Variants in BMPR1B observed in about 807,000 individuals in gnomAD.
BMPR1B encodes the protein bone morphogenetic protein receptor type 1B, also known as bone morphogenetic protein receptor type-1B.
A neutral mutation model predicts 59.1 loss-of-function variants in BMPR1B; 12 were observed. That is an observed-to-expected ratio of 0.20 (90% CI 0.13 to 0.33). The LOEUF is 0.33. Ranked by LOEUF, BMPR1B falls within the 10% of genes least tolerant of loss-of-function variation. The pLI is 1.00. For missense variants in BMPR1B, 550 were observed against 610.9 expected, an observed-to-expected ratio of 0.90 and a Z score of 1.05; for synonymous variants, 237 against 207.3, an observed-to-expected ratio of 1.14 and a Z score of -1.23.
chr4:95,059,867 G>A (rs1202927433), intron 3 of BMPR1B, among the ~76,000 whole-genome samples: 2 of 152,134 alleles, frequency 1.3e-5, no homozygotes, highest in Admixed American at 1.3e-4. Flanking sequence ...TTTTCCTTGT[G>A]GCAGATTTGT....
intron 1 of BMPR1B, among the ~76,000 whole-genome samples, chr4:94,866,170 G>C (rs1383568896): frequency 6.6e-6 from 1 of 152,066 alleles, no homozygotes; most frequent in Non-Finnish European, 1.5e-5. Flanking sequence ...TTCCTACTTA[G>C]GAGTTATGTC....
Position 95,123,838 on chromosome 4 carries a change from G to A in BMPR1B, c.378G>A (p.Arg126=), listed in dbSNP as rs1560671846. 6.2e-7 allele frequency: 1 copy of A among 1,611,212 alleles called. No individual in the cohort carries two copies. The highest frequency in any genetic ancestry group is 8.5e-7 in the Non-Finnish European group (1 of 1,178,800). The change falls in exon 7 of 13, where the codon AGG becomes AGA. Residue 126 remains arginine (R), a synonymous_variant. Coordinates refer to ENST00000515059, the MANE Select transcript of BMPR1B (RefSeq NM_001203.3). ...RDFVDGPIHH[R]ALLISVTVCS... ...TTGTTGATGGACCTATACACCACAGGGCTTTACTTATATCTGTGACTGTCT... is the reference window on the plus strand; with the variant it reads ...TTGTTGATGGACCTATACACCACAGAGCTTTACTTATATCTGTGACTGTCT...
intron 2 of BMPR1B, among the ~76,000 whole-genome samples, chr4:94,900,088 T>G (rs1727751096): frequency 6.6e-6 from 1 of 151,880 alleles, no homozygotes; most frequent in Non-Finnish European, 1.5e-5. Flanking sequence ...TCAGAATCTT[T>G]GCATAAACAA....
intron 3 of BMPR1B, among the ~76,000 whole-genome samples, chr4:95,039,801 G>A (rs1022983658): frequency 2.0e-5 from 3 of 152,086 alleles, no homozygotes; most frequent in Non-Finnish European, 4.4e-5. Flanking sequence ...AGTGTGTAGT[G>A]TAGTGTATTT....
intron 1 of BMPR1B, among the ~76,000 whole-genome samples, chr4:94,780,111 G>C (rs1190434434): frequency 2.6e-5 from 4 of 152,090 alleles, no homozygotes; most frequent in Non-Finnish European, 5.9e-5. Flanking sequence ...GTTTGCTAAT[G>C]TCTCATTTAG....
chr4:95,051,310 A>G (rs1291543143), intron 3 of BMPR1B, among the ~76,000 whole-genome samples: 1 of 152,348 alleles, frequency 6.6e-6, no homozygotes, highest in African/African-American at 2.4e-5. Context: ...ATTTTATGAC[A>G]GCAGCGTTTT....
At chr4:94,862,918 C>T (rs1035910502) in intron 1 of BMPR1B, among the ~76,000 whole-genome samples, 2 of 144,442 alleles carry the variant, frequency 1.4e-5, no homozygotes, top group African/African-American at 5.2e-5. Flanking sequence ...GCACTCCAGC[C>T]TGGGGGACAG....
At chr4:95,080,968 A>C in intron 3 of BMPR1B, among the ~76,000 whole-genome samples, 1 of 152,226 alleles carries the variant, frequency 6.6e-6, no homozygotes, top group East Asian at 1.9e-4. Context: ...CCCAAATCTC[A>C]TCTTGAAATG....
At chr4:95,040,377 A>G (rs968693619) in intron 3 of BMPR1B, among the ~76,000 whole-genome samples, 2 of 152,188 alleles carry the variant, frequency 1.3e-5, no homozygotes, top group Admixed American at 6.5e-5. Flanking sequence ...TTCATTTTCA[A>G]TTGACTTATT....
chr4:95,116,022 A>G (rs565324315), intron 6 of BMPR1B, among the ~76,000 whole-genome samples: 17 of 152,204 alleles, frequency 1.1e-4, no homozygotes, highest in African/African-American at 3.6e-4. Flanking sequence ...CTGTTCAGAA[A>G]ATTGCTATTC....
At chr4:95,022,994 A>G (rs999455225) in intron 3 of BMPR1B, among the ~76,000 whole-genome samples, 3 of 152,190 alleles carry the variant, frequency 2.0e-5, no homozygotes, top group African/African-American at 4.8e-5. Flanking sequence ...CTCTAAAGTT[A>G]TAACAGAGGG....
chr4:94,890,856 A>C (rs1316332408), intron 2 of BMPR1B, among the ~76,000 whole-genome samples: 1 of 151,982 alleles, frequency 6.6e-6, no homozygotes, highest in Non-Finnish European at 1.5e-5. Flanking sequence ...TCCATTTCTG[A>C]GTACCATCAC....
chr4:95,098,154 CATT>C (rs1188360568), intron 3 of BMPR1B, among the ~76,000 whole-genome samples: 1 of 152,064 alleles, frequency 6.6e-6, no homozygotes, highest in African/African-American at 2.4e-5. Context: ...GATATATCTT[CATT>C]ATTGCTAATC....
chr4:94,946,298 C>G (rs981823758), intron 2 of BMPR1B, among the ~76,000 whole-genome samples: 5 of 152,080 alleles, frequency 3.3e-5, no homozygotes, highest in Non-Finnish European at 5.9e-5. Flanking sequence ...ATTCGTTTTT[C>G]TTTCTTAATT....
At chr4:95,126,340 T>A (rs1039745676) in intron 8 of BMPR1B, among the ~76,000 whole-genome samples, 1 of 152,220 alleles carries the variant, frequency 6.6e-6, no homozygotes. Flanking sequence ...ATAAAAATAC[T>A]GTCTTGTTTC....
At chr4:95,091,608 C>G (rs1476690085) in intron 3 of BMPR1B, 9 of 985,200 alleles carry the variant, frequency 9.1e-6, no homozygotes, top group Non-Finnish European at 1.1e-5. Flanking sequence ...AACCATATAT[C>G]AAGCGTACAG....
chr4:95,144,489 T>TA (rs1560690235), intron 10 of BMPR1B, among the ~76,000 whole-genome samples: 3 of 128,366 alleles, frequency 2.3e-5, no homozygotes, highest in Admixed American at 7.9e-5. Context: ...TTTTTTTTTT[T>TA]TAAAAAAAAT....
At chr4:95,018,171 A>G (rs1723719416) in intron 3 of BMPR1B, among the ~76,000 whole-genome samples, 1 of 152,212 alleles carries the variant, frequency 6.6e-6, no homozygotes, top group South Asian at 2.1e-4. Flanking sequence ...TGTACATGCA[A>G]CAGTCTTATA....
In BMPR1B at chr4:94,932,358, G is replaced by C. The variant is rs563125863; in HGVS notation, c.-113+56458G>C. On this transcript the variant is annotated intron_variant, in intron 2 of 12. Transcript: ENST00000515059. ...TAAGTGATAGGCTGGAATGGACTTT[G>C]CCCATAAAATAATTTGGATCTTAAG... Among the ~76,000 whole-genome samples the C allele has an allele frequency of 1.3e-4, 20 of 152,222 alleles. No homozygotes were observed. The South Asian group carries it at 4.2e-3, about 32-fold the overall frequency.
Sources: allele counts gnomAD v4.1 joint callset (sites outside exome capture counted in the v4.1 genomes callset), GRCh38; gene constraint gnomAD v4.1.1; transcripts MANE v1.5; gene names NCBI Gene and HGNC (gene_info 2026-07-23, HGNC 2026-07-21).